Variants in SYT1 observed in about 807,000 individuals in gnomAD.
The protein encoded by SYT1 is synaptotagmin-1.
Under a neutral mutation model 44.8 loss-of-function variants are expected in SYT1, and 8 were observed. The observed-to-expected ratio is 0.18, with a 90% CI of 0.10 to 0.32. SYT1 has a LOEUF of 0.32. Among genes scored for constraint, SYT1 ranks in the 10% least tolerant of loss-of-function variants. SYT1 has a pLI of 1.00. For missense variants in SYT1, 286 were observed against 509.3 expected, an observed-to-expected ratio of 0.56 and a Z score of 4.22; for synonymous variants, 154 against 188.8, an observed-to-expected ratio of 0.82 and a Z score of 1.51.
chr12:78,912,505 AGG>A (rs1876398466), intron 1 of SYT1, among the ~76,000 whole-genome samples: 1 of 151,976 alleles, frequency 6.6e-6, no homozygotes. Flanking sequence ...AGCTCTGTGA[AGG>A]TCTAAAAATA....
chr12:79,386,237 A>G (rs1289285160), intron 9 of SYT1, among the ~76,000 whole-genome samples: 1 of 152,200 alleles, frequency 6.6e-6, no homozygotes, highest in African/African-American at 2.4e-5. Context: ...TAAATAATAA[A>G]TTTCCAACAA....
intron 8 of SYT1, among the ~76,000 whole-genome samples, chr12:79,306,143 C>T (rs1322143208): frequency 6.6e-6 from 1 of 152,204 alleles, no homozygotes; most frequent in African/African-American, 2.4e-5. Context: ...CAGCACATTG[C>T]ACTGTGACTG....
At chr12:79,426,924 C>A (rs1261597964) in intron 9 of SYT1, among the ~76,000 whole-genome samples, 1 of 152,154 alleles carries the variant, frequency 6.6e-6, no homozygotes, top group Non-Finnish European at 1.5e-5. Flanking sequence ...CTCAAGATAT[C>A]TGACGGTTTT....
In SYT1 at chr12:79,177,049, G is replaced by GTT. The variant is rs57668122; in HGVS notation, c.-17-40446_-17-40445dup. Among the ~76,000 whole-genome samples the GTT allele has an allele frequency of 2.1e-3, 307 of 145,756 alleles. 10 individuals are homozygous for GTT. The South Asian group carries it at 0.032, about 15-fold the overall frequency. The stretch of plus-strand genomic sequence containing the variant: ...AAAGCATATTTCTTTTTTTTTTTAT[G>GTT]TTTTTTTTTATTATACTCTAAGTTT... On this transcript the variant is annotated intron_variant, in intron 3 of 10. Coordinates refer to ENST00000261205, the MANE Select transcript of SYT1 (RefSeq NM_005639.3).
intron 9 of SYT1, among the ~76,000 whole-genome samples, chr12:79,374,488 G>A (rs1016449123): frequency 3.9e-5 from 6 of 151,900 alleles, no homozygotes; most frequent in African/African-American, 1.5e-4. Context: ...ATTTTAAAAG[G>A]GTACACATTC....
chr12:79,163,631 A>T (rs779318990), intron 3 of SYT1, among the ~76,000 whole-genome samples: 1 of 151,712 alleles, frequency 6.6e-6, no homozygotes, highest in Non-Finnish European at 1.5e-5. Flanking sequence ...TACACTGAAA[A>T]CTCTGCTCTT....
chr12:78,901,020 A>G (rs550828847), intron 1 of SYT1, among the ~76,000 whole-genome samples: 2 of 152,118 alleles, frequency 1.3e-5, no homozygotes, highest in East Asian at 1.9e-4. Flanking sequence ...CAAAATCTAA[A>G]CCATTTATTT....
intron 9 of SYT1, among the ~76,000 whole-genome samples, chr12:79,402,031 G>C (rs1885088211): frequency 6.6e-6 from 1 of 152,082 alleles, no homozygotes; most frequent in South Asian, 2.1e-4. Flanking sequence ...GGGCTGCCCT[G>C]GGACTTACTG....
At position 79,432,112 on chromosome 12, in the gene SYT1, C is replaced by T. The variant is rs1869824912; in HGVS notation, c.929-11961C>T. 2.0e-5 allele frequency among the ~76,000 whole-genome samples: 3 copies of T among 151,922 alleles called. No individual in the cohort carries two copies. In the South Asian group the frequency reaches 6.2e-4, roughly 31 times the overall value. On this transcript the variant is annotated intron_variant, in intron 9 of 10. Transcript: ENST00000261205. ...AAAAATTTAATAATAAACCAACTAA[C>T]ATGTTCAAGGTTTCTCTTTTTAAAA...
chr12:79,049,173 T>C (rs1368864916), intron 3 of SYT1, among the ~76,000 whole-genome samples: 1 of 151,942 alleles, frequency 6.6e-6, no homozygotes, highest in Non-Finnish European at 1.5e-5. Flanking sequence ...TATAAGTTAT[T>C]TGATCTATTG....
At chr12:79,334,588 C>T (rs1882003225) in intron 8 of SYT1, among the ~76,000 whole-genome samples, 2 of 152,200 alleles carry the variant, frequency 1.3e-5, no homozygotes, top group Admixed American at 1.3e-4. Context: ...GGCACAAGAA[C>T]ATGGTGCAAT....
chr12:79,102,511 T>C (rs1044331335), intron 3 of SYT1, among the ~76,000 whole-genome samples: 1 of 152,164 alleles, frequency 6.6e-6, no homozygotes, highest in Non-Finnish European at 1.5e-5. Context: ...GTTTCCTCCT[T>C]AGCACTTCAA....
chr12:79,251,757 G>A (rs897845333), intron 4 of SYT1, among the ~76,000 whole-genome samples: 2 of 152,108 alleles, frequency 1.3e-5, no homozygotes, highest in Non-Finnish European at 2.9e-5. Context: ...AGTGATTGAG[G>A]CCTCAGGCTT....
intron 2 of SYT1, among the ~76,000 whole-genome samples, chr12:79,025,619 T>C (rs1341872626): frequency 6.6e-6 from 1 of 151,614 alleles, no homozygotes; most frequent in Non-Finnish European, 1.5e-5. Flanking sequence ...CATATGCATA[T>C]ATATGATATA....
At chr12:78,878,579 T>C (rs1874294499) in intron 1 of SYT1, among the ~76,000 whole-genome samples, 2 of 151,722 alleles carry the variant, frequency 1.3e-5, no homozygotes, top group Admixed American at 1.3e-4. Context: ...TACTCAAAAA[T>C]AGTTAAAGTA....
chr12:79,296,272 T>C lies in SYT1; in HGVS notation c.642+36T>C, dbSNP rs756048997. ...ACATTTATTTATAACCTTTCCTTTG[T>C]TGTTTTACTTAAAAGACTGATCTCA... On this transcript the variant is annotated intron_variant, in intron 7 of 10. Coordinates refer to ENST00000261205, the MANE Select transcript of SYT1 (RefSeq NM_005639.3). 3 of 1,586,508 alleles carry C rather than the reference T, an allele frequency of 1.9e-6. No individual in the cohort carries two copies. In the South Asian group the frequency reaches 3.5e-5, roughly 18 times the overall value.
intron 3 of SYT1, among the ~76,000 whole-genome samples, chr12:79,148,287 A>G (rs1437313931): frequency 1.3e-5 from 2 of 152,168 alleles, no homozygotes; most frequent in African/African-American, 2.4e-5. Context: ...TTCTGTTAAA[A>G]CTTTTATGAA....
chr12:79,355,493 G>T (rs753585425), intron 9 of SYT1, among the ~76,000 whole-genome samples: 2 of 152,094 alleles, frequency 1.3e-5, no homozygotes, highest in African/African-American at 4.8e-5. Context: ...TATTAAGTAA[G>T]AATATTTAAA....
At chr12:79,307,583 C>A (rs1044730274) in intron 8 of SYT1, among the ~76,000 whole-genome samples, 49 of 103,980 alleles carry the variant, frequency 4.7e-4, no homozygotes, top group African/African-American at 1.7e-3. Context: ...TGGCCCTGGG[C>A]GTTGGGCGAG....
Sources: allele counts gnomAD v4.1 joint callset (sites outside exome capture counted in the v4.1 genomes callset), GRCh38; gene constraint gnomAD v4.1.1; transcripts MANE v1.5; gene names NCBI Gene and HGNC (gene_info 2026-07-23, HGNC 2026-07-21).